Variants in C2CD5 observed in about 807,000 individuals in gnomAD.
C2CD5 encodes C2 calcium dependent domain containing 5.
In C2CD5, 109 loss-of-function variants were observed where a neutral mutation model predicts 130.3. The ratio of observed to expected loss-of-function variants is 0.84; its 90% CI spans 0.72 to 0.98. The LOEUF is 0.98. Ranked by LOEUF, C2CD5 falls within the 50% of genes least tolerant of loss-of-function variation. C2CD5 has a pLI of 0.00. For missense variants in C2CD5, 996 were observed against 1,261.8 expected (o/e 0.79, Z 3.19); for synonymous variants, 454 against 429.2 (o/e 1.06, Z -0.71).
At chr12:22,528,152 A>G (rs779264893) in intron 3 of C2CD5, among the ~76,000 whole-genome samples, 1 of 151,968 alleles carries the variant, frequency 6.6e-6, no homozygotes, top group Non-Finnish European at 1.5e-5. Flanking sequence ...TTAAATCTCA[A>G]TTTTTTTTAC....
chr12:22,493,416 A>G, intron 10 of C2CD5, 79 bp from the exon 11 acceptor site: 1 of 706,138 alleles, frequency 1.4e-6, no homozygotes, highest in Non-Finnish European at 2.3e-6. Flanking sequence ...AAATAAACAT[A>G]CTATGGGAAG....
intron 10 of C2CD5, 66 bp downstream of exon 10, chr12:22,506,644 TC>T: frequency 2.1e-6 from 2 of 937,874 alleles, no homozygotes; most frequent in Non-Finnish European, 3.4e-6. Context: ...TTTAAAAAAA[TC>T]ATAAAAATCA....
chr12:22,523,342 T>C (rs1299941828), intron 7 of C2CD5, 84 bp downstream of exon 7: 1 of 1,042,198 alleles, frequency 9.6e-7, no homozygotes, highest in African/African-American at 1.6e-5. Flanking sequence ...TGAACAACCC[T>C]ACTAAAATGT....
rs756713635 is a variant in C2CD5 at position 22,523,396 on chromosome 12, G to A, written c.800+30C>T. ...GCATAGATAAAAGATAAAAATCTTAGCAAGAACAATTTCATTGATTCATAC... is the reference window on the plus strand; with the variant it reads ...GCATAGATAAAAGATAAAAATCTTAACAAGAACAATTTCATTGATTCATAC... On this transcript the variant is annotated intron_variant, in intron 7 of 26. Coordinates refer to ENST00000446597, the MANE Select transcript of C2CD5 (RefSeq NM_001286176.2). The A allele has an allele frequency of 5.2e-6, 8 of 1,553,368 alleles. No homozygotes were observed. The South Asian group carries it at 9.0e-5, about 17-fold the overall frequency.
At chr12:22,488,640 AAG>A (rs1945913256) in intron 12 of C2CD5, among the ~76,000 whole-genome samples, 1 of 152,098 alleles carries the variant, frequency 6.6e-6, no homozygotes, top group African/African-American at 2.4e-5. Context: ...CTCACTGACA[AAG>A]AGAGTTTCCT....
At chr12:22,486,343 A>C (rs897652357) in intron 12 of C2CD5, among the ~76,000 whole-genome samples, 1 of 152,166 alleles carries the variant, frequency 6.6e-6, no homozygotes, top group Non-Finnish European at 1.5e-5. Flanking sequence ...TTTGTTCAGG[A>C]AAGTCTAGAG....
intron 11 of C2CD5, among the ~76,000 whole-genome samples, chr12:22,491,693 G>A (rs914685073): frequency 6.6e-5 from 10 of 151,892 alleles, no homozygotes; most frequent in Admixed American, 3.9e-4. Context: ...CCAACATGGC[G>A]AAACCCCATC....
At chr12:22,513,425 G>C (rs375027341) in intron 8 of C2CD5, 46 bp from the exon 9 acceptor site, 69 of 1,209,314 alleles carry the variant, frequency 5.7e-5, no homozygotes, top group Non-Finnish European at 8.5e-5. Flanking sequence ...AGCAACTATA[G>C]AAACAAAGTT....
At chr12:22,471,857 A>G in intron 19 of C2CD5, 110 bp downstream of exon 19, 1 of 683,988 alleles carries the variant, frequency 1.5e-6, no homozygotes, top group Non-Finnish European at 2.6e-6. Context: ...GTAGGTAAGA[A>G]TGATTCAGCC....
intron 11 of C2CD5, among the ~76,000 whole-genome samples, chr12:22,491,587 T>G (rs1291463814): frequency 6.6e-6 from 1 of 151,978 alleles, no homozygotes; most frequent in African/African-American, 2.4e-5. Flanking sequence ...TAAAACCATA[T>G]CTCTGGCCGG....
intron 4 of C2CD5, among the ~76,000 whole-genome samples, chr12:22,527,197 T>G (rs1454570370): frequency 2.0e-5 from 3 of 152,132 alleles, no homozygotes; most frequent in East Asian, 3.9e-4. Flanking sequence ...ATTTACTTAC[T>G]ATACTATACA....
At chr12:22,467,198 G>A (rs1013705112) in intron 22 of C2CD5, among the ~76,000 whole-genome samples, 5 of 151,968 alleles carry the variant, frequency 3.3e-5, no homozygotes, top group African/African-American at 9.7e-5. Flanking sequence ...TTGAGACAGC[G>A]TCACTCTGTC....
chr12:22,468,006 G>A (rs1942373162), intron 22 of C2CD5, among the ~76,000 whole-genome samples: 1 of 150,352 alleles, frequency 6.7e-6, no homozygotes, highest in African/African-American at 2.4e-5. Context: ...GGGACCCCAA[G>A]TCCACAAATA....
chr12:22,478,192 G>A lies in C2CD5; in HGVS notation c.1902+121C>T. 4.0e-6 allele frequency: 3 copies of A among 744,932 alleles called. No homozygotes were observed. In the Admixed American group the frequency reaches 6.3e-5, roughly 16 times the overall value. The allele number at this position is 744,932 out of a possible 1,614,324, so 46.1% of individuals were successfully genotyped here. A position where few individuals can be genotyped will look rare whatever the true frequency, so the allele number is the denominator to read the frequency against. ...AGCAAAGACATAAAGGGAGGTGAAAGAATGAGTAATAAGGAGAGCTAAACA... is the reference window on the plus strand; with the variant it reads ...AGCAAAGACATAAAGGGAGGTGAAAAAATGAGTAATAAGGAGAGCTAAACA... On this transcript the variant is annotated intron_variant, in intron 15 of 26. Transcript: ENST00000446597.
chr12:22,533,869 C>A (rs1248584485), intron 3 of C2CD5, among the ~76,000 whole-genome samples: 2 of 152,204 alleles, frequency 1.3e-5, no homozygotes, highest in African/African-American at 4.8e-5. Context: ...TGAATTTCTA[C>A]ATGCATGAAT....
At chr12:22,458,117 T>C (rs1940331549) in intron 24 of C2CD5, among the ~76,000 whole-genome samples, 1 of 152,166 alleles carries the variant, frequency 6.6e-6, no homozygotes, top group Non-Finnish European at 1.5e-5. Flanking sequence ...GCCCTCTGCA[T>C]ATCACACTTA....
At chr12:22,533,207 T>C (rs1951481535) in intron 3 of C2CD5, among the ~76,000 whole-genome samples, 1 of 152,014 alleles carries the variant, frequency 6.6e-6, no homozygotes, top group African/African-American at 2.4e-5. Flanking sequence ...GGAGGTGTGG[T>C]GGTCTGGTAA....
At chr12:22,472,503 T>G in intron 17 of C2CD5, 156 bp from the exon 18 acceptor site, 1 of 616,774 alleles carries the variant, frequency 1.6e-6, no homozygotes, top group South Asian at 2.2e-5. Flanking sequence ...ACCATCCTAA[T>G]AAATTATCAC....
At chr12:22,523,699 T>TAA (rs377557729) in intron 6 of C2CD5, 75 bp from the exon 7 acceptor site, 902 of 752,048 alleles carry the variant, frequency 1.2e-3, no homozygotes, top group South Asian at 3.3e-3. Context: ...ATGGTAGTGG[T>TAA]AAAAAAAAAA....
Sources: gnomAD v4.1 joint callset for allele counts (sites outside exome capture counted in the v4.1 genomes callset) on GRCh38, gnomAD v4.1.1 for gene constraint, MANE v1.5 for transcripts, NCBI Gene and HGNC (gene_info 2026-07-23, HGNC 2026-07-21) for gene names.